The following TENM2 variants were observed in gnomAD, a reference collection of about 807,000 sequenced individuals.
TENM2 encodes the protein teneurin transmembrane protein 2.
In TENM2, 52 loss-of-function variants were observed where a neutral mutation model predicts 245.2. The observed-to-expected ratio is 0.21, with a 90% CI of 0.17 to 0.27. The LOEUF (loss-of-function observed/expected upper bound fraction) is 0.27. TENM2 is among the 10% of genes least tolerant of loss of function. The probability of loss-of-function intolerance (pLI) is 1.00; values close to 1 mark genes in which losing one functional copy is unlikely to be tolerated. For synonymous variants in TENM2, 1,363 were observed against 1,438.9 expected (o/e 0.95, Z 1.19); for missense variants, 3,046 against 3,666.8 (o/e 0.83, Z 4.37).
chr5:167,533,609 A>G (rs1372756845), intron 2 of TENM2, among the ~76,000 whole-genome samples: 4 of 151,938 alleles, frequency 2.6e-5, no homozygotes, highest in Admixed American at 2.6e-4. Context: ...GGCATGCATC[A>G]CCACGCTTGG....
the TENM2 span, among the ~76,000 whole-genome samples, chr5:167,090,284 GT>G: frequency 8.1e-3 from 1,139 of 141,262 alleles, 7 homozygotes; most frequent in African/African-American, 0.02. Flanking sequence ...CATTTCAAAG[GT>G]TTTTTTTTTT....
At chr5:167,072,847 G>A in the TENM2 span, among the ~76,000 whole-genome samples, 2 of 152,166 alleles carry the variant, frequency 1.3e-5, no homozygotes, top group Non-Finnish European at 2.9e-5. Flanking sequence ...TAAATTATTT[G>A]TAAATCTGAA....
At chr5:167,492,508 G>T (rs1768497594) in intron 2 of TENM2, among the ~76,000 whole-genome samples, 2 of 152,062 alleles carry the variant, frequency 1.3e-5, no homozygotes, top group Middle Eastern at 3.2e-3. Flanking sequence ...TATTAAGGAG[G>T]TTGTGAGCAA....
At chr5:167,149,487 C>T in the TENM2 span, among the ~76,000 whole-genome samples, 29 of 152,018 alleles carry the variant, frequency 1.9e-4, no homozygotes, top group Non-Finnish European at 3.8e-4. Context: ...GAGTATAGAC[C>T]GGGATGGTGT....
the TENM2 span, among the ~76,000 whole-genome samples, chr5:167,040,840 A>G: frequency 1.3e-5 from 2 of 152,186 alleles, no homozygotes; most frequent in Non-Finnish European, 2.9e-5. Flanking sequence ...GAATTTTCTC[A>G]CAGCAGAGCC....
At chr5:167,134,002 A>G in the TENM2 span, among the ~76,000 whole-genome samples, 1 of 152,204 alleles carries the variant, frequency 6.6e-6, no homozygotes, top group Non-Finnish European at 1.5e-5. Context: ...ACAGCAGACC[A>G]CAGAGGTAGA....
chr5:167,807,830 C>G (rs771739922), intron 2 of TENM2, among the ~76,000 whole-genome samples: 12 of 152,010 alleles, frequency 7.9e-5, no homozygotes, highest in African/African-American at 1.4e-4. Flanking sequence ...ATTAGAAATA[C>G]CTGGGGAACT....
intron 2 of TENM2, among the ~76,000 whole-genome samples, chr5:167,873,127 C>G (rs1304429117): frequency 6.6e-6 from 1 of 152,236 alleles, no homozygotes; most frequent in Non-Finnish European, 1.5e-5. Context: ...GGTCAGGATT[C>G]CTCTGAGTTC....
intron 2 of TENM2, among the ~76,000 whole-genome samples, chr5:167,797,642 T>C (rs1012656871): frequency 1.3e-5 from 2 of 152,120 alleles, no homozygotes; most frequent in Non-Finnish European, 2.9e-5. Flanking sequence ...GACAAAAAAA[T>C]ATGTTCCTTT....
chr5:167,922,403 C>G (rs1275461636), intron 3 of TENM2, among the ~76,000 whole-genome samples: 1 of 106,000 alleles, frequency 9.4e-6, no homozygotes, highest in Non-Finnish European at 1.7e-5. Context: ...TCATGAATCA[C>G]CATATCTCCC....
chr5:167,046,156 T>C, the TENM2 span, among the ~76,000 whole-genome samples: 7 of 152,278 alleles, frequency 4.6e-5, no homozygotes, highest in East Asian at 1.4e-3. Flanking sequence ...GTACTGTGGT[T>C]ACCTTCCAAA....
intron 3 of TENM2, among the ~76,000 whole-genome samples, chr5:167,878,523 G>A (rs1352122011): frequency 6.6e-6 from 1 of 151,818 alleles, no homozygotes; most frequent in Admixed American, 6.6e-5. Context: ...CTGGACTCTG[G>A]CTTAGCTAAA....
At chr5:167,000,991 T>C in the TENM2 span, among the ~76,000 whole-genome samples, 2 of 152,118 alleles carry the variant, frequency 1.3e-5, no homozygotes, top group East Asian at 3.9e-4. Context: ...ATTTTGACAG[T>C]TTAGTCATTT....
the TENM2 span, among the ~76,000 whole-genome samples, chr5:167,212,900 C>T: frequency 0.13 from 19,384 of 152,058 alleles, 1,386 homozygotes; most frequent in South Asian, 0.2. Context: ...CAAGTATTGC[C>T]GGTTTTTCTT....
At chr5:167,348,546 A>G (rs1183755954) in intron 1 of TENM2, among the ~76,000 whole-genome samples, 1 of 152,178 alleles carries the variant, frequency 6.6e-6, no homozygotes, top group East Asian at 1.9e-4. Context: ...GAGATAGAAT[A>G]CATGATCCCA....
chr5:167,356,546 G>T (rs373397383), intron 1 of TENM2, among the ~76,000 whole-genome samples: 57 of 152,330 alleles, frequency 3.7e-4, no homozygotes, highest in African/African-American at 1.3e-3. Flanking sequence ...CCCTGGGTAT[G>T]CCTTGCCAGA....
chr5:167,251,637 G>T, the TENM2 span, among the ~76,000 whole-genome samples: 1 of 152,042 alleles, frequency 6.6e-6, no homozygotes, highest in East Asian at 1.9e-4. Context: ...CTGAAAAATG[G>T]CCATGTGTCT....
Position 167,875,983 on chromosome 5 carries a change from C to T in TENM2, c.503-3C>T, listed in dbSNP as rs750861250. On this transcript the variant is annotated splice_region_variant and splice_polypyrimidine_tract_variant and intron_variant, in intron 2 of 28. Transcript: ENST00000518659. Reference sequence around the variant, plus strand: ...CCTTTGACCCCTCTGTCCTCTTTCCCAGGTCGTCCCATTCCACCTACATCC... The same window carrying T: ...CCTTTGACCCCTCTGTCCTCTTTCCTAGGTCGTCCCATTCCACCTACATCC... The T allele has an allele frequency of 1.1e-5, 17 of 1,550,432 alleles. No homozygotes were observed. In the South Asian group the frequency reaches 2.0e-4, roughly 18 times the overall value.
At chr5:168,125,794 G>T (rs147752190) in intron 11 of TENM2, among the ~76,000 whole-genome samples, 1 of 152,094 alleles carries the variant, frequency 6.6e-6, no homozygotes, top group Non-Finnish European at 1.5e-5. Flanking sequence ...ATTTTGGAAT[G>T]TCTTCTCAGC....
Sources: allele counts gnomAD v4.1 joint callset (sites outside exome capture counted in the v4.1 genomes callset), GRCh38; gene constraint gnomAD v4.1.1; transcripts MANE v1.5; gene names NCBI Gene and HGNC (gene_info 2026-07-23, HGNC 2026-07-21).